The following PIAS4 variants were observed in gnomAD, a reference collection of about 807,000 sequenced individuals.
PIAS4 encodes the protein protein inhibitor of activated STAT 4.
Under a neutral mutation model 58.0 loss-of-function variants are expected in PIAS4, and 7 were observed. That is an observed-to-expected ratio of 0.12 (90% confidence interval 0.07 to 0.23). PIAS4 has a LOEUF of 0.23. PIAS4 is among the 10% of genes least tolerant of loss of function. The pLI is 1.00. For synonymous variants in PIAS4, 364 were observed against 312.4 expected (o/e 1.17, Z -1.74); for missense variants, 550 against 709.5 (o/e 0.78, Z 2.55).
rs141537427 is a variant in PIAS4 at position 4,029,109 on chromosome 19, C to T, written c.907+73C>T. The T allele has an allele frequency of 1.5e-3, 1,609 of 1,101,860 alleles. 10 individuals are homozygous for T. The highest frequency in any genetic ancestry group is 0.01 in the Middle Eastern group (42 of 4,070). 68.3% of individuals were successfully genotyped at this position (1,101,860 alleles called of 1,614,324 possible). A position where few individuals can be genotyped will look rare whatever the true frequency, so the allele number is the denominator to read the frequency against. On this transcript the variant is annotated intron_variant, in intron 7 of 10. Transcript: ENST00000262971. ...GAAACCCGCCCTGTGCTGGGTGAAGCGGGGGGCCCTGCACCCGGAGGAGAT... is the reference window on the plus strand; with the variant it reads ...GAAACCCGCCCTGTGCTGGGTGAAGTGGGGGGCCCTGCACCCGGAGGAGAT...
intron 3 of PIAS4, among the ~76,000 whole-genome samples, chr19:4,024,803 G>T (rs1446112727): frequency 2.6e-5 from 4 of 151,670 alleles, no homozygotes; most frequent in African/African-American, 9.7e-5. Context: ...TGTTATCCAG[G>T]CTTCCAGGCT....
intron 3 of PIAS4, among the ~76,000 whole-genome samples, chr19:4,024,405 C>T (rs1386674255): frequency 1.3e-5 from 2 of 152,248 alleles, no homozygotes; most frequent in Non-Finnish European, 2.9e-5. Flanking sequence ...CCATCCTGGG[C>T]ATTGCAGGGA....
chr19:4,022,607 C>G (rs953492922), intron 2 of PIAS4, among the ~76,000 whole-genome samples: 20 of 151,876 alleles, frequency 1.3e-4, no homozygotes, highest in Admixed American at 3.9e-4. Context: ...ACCTCGTGAT[C>G]CACCCCCCTC....
At chr19:4,014,939 AGGTGCTGTC>A (rs1335546014) in intron 2 of PIAS4, among the ~76,000 whole-genome samples, 4 of 152,168 alleles carry the variant, frequency 2.6e-5, no homozygotes, top group Admixed American at 6.5e-5. Context: ...GGAGGGAGGA[AGGTGCTGTC>A]GGTGGTTCCT....
intron 2 of PIAS4, chr19:4,018,587 C>T (rs2040075800): frequency 6.6e-6 from 1 of 152,246 alleles, no homozygotes; most frequent in Admixed American, 6.5e-5. Context: ...GCATCTGGTT[C>T]AGTGGTGCCC....
intron 2 of PIAS4, among the ~76,000 whole-genome samples, chr19:4,020,668 C>T (rs977651010): frequency 6.6e-6 from 1 of 152,240 alleles, no homozygotes; most frequent in Non-Finnish European, 1.5e-5. Context: ...CTATGTTGCC[C>T]AGGCTGGTCT....
At chr19:4,033,239 TGGGCCCG>T in intron 8 of PIAS4, 66 bp downstream of exon 8, 1 of 1,520,004 alleles carries the variant, frequency 6.6e-7, no homozygotes, top group Non-Finnish European at 9.0e-7. Context: ...CTGGCGGCCC[TGGGCCCG>T]GGGCGGCTTG....
At chr19:4,021,340 G>T (rs372565631) in intron 2 of PIAS4, among the ~76,000 whole-genome samples, 53 of 152,006 alleles carry the variant, frequency 3.5e-4, no homozygotes, top group African/African-American at 1.2e-3. Flanking sequence ...GTAGAGATGG[G>T]GTTACCATAT....
chr19:4,014,148 C>T (rs1035566677), intron 2 of PIAS4, among the ~76,000 whole-genome samples: 1 of 152,186 alleles, frequency 6.6e-6, no homozygotes, highest in African/African-American at 2.4e-5. Context: ...GTGCACCGGG[C>T]GTGCTGGGGG....
Position 4,013,349 on chromosome 19 carries a change from G to A in PIAS4, c.454G>A (p.Val152Ile). 6.2e-7 allele frequency: 1 copy of A among 1,610,864 alleles called. No homozygotes were observed. The highest frequency in any genetic ancestry group is 8.5e-7 in the Non-Finnish European group (1 of 1,178,450). ...TGAGCTGCTGAAGCCCACCGAATTAGGTGAGTGGTCACCCTGGGGAGGCTG... is the reference window on the plus strand; with the variant it reads ...TGAGCTGCTGAAGCCCACCGAATTAAGTGAGTGGTCACCCTGGGGAGGCTG... ...LDELLKPTEL[V>I]PQNNEKLQES... Residue 152 changes from valine to isoleucine, a missense_variant and splice_region_variant, in exon 2 of 11, where the codon GTC (valine) becomes ATC (isoleucine). By Grantham distance (29) the Val-to-Ile change is conservative. Transcript: ENST00000262971. The surrounding 1 kb of genome is among the most constrained non-coding windows in gnomAD (Gnocchi z 5.1).
At chr19:4,028,026 C>G (rs879181025) in intron 3 of PIAS4, 120 bp from the exon 4 acceptor site, 323 of 980,968 alleles carry the variant, frequency 3.3e-4, no homozygotes, top group South Asian at 1.8e-3. Flanking sequence ...GCCTCAGTTT[C>G]CCAGCTCTGG....
Position 4,037,915 on chromosome 19 carries a change from A to C in PIAS4, c.*40A>C, listed in dbSNP as rs1169012131. The C allele has an allele frequency of 1.3e-6, 2 of 1,555,410 alleles. No individual in the cohort carries two copies. The highest frequency in any genetic ancestry group is 1.4e-5 in the African/African-American group (1 of 73,704). On this transcript the variant is annotated 3_prime_UTR_variant, in exon 11 of 11. Transcript: ENST00000262971. This position sits in a 1 kb window ranked among gnomAD's most constrained non-coding sequence, Gnocchi z 5.8. ...TCGACTTTCCTGGTGCTCACCACGCAGAGGGGCACGGGCCAGCCTCGGGCG... is the reference window on the plus strand; with the variant it reads ...TCGACTTTCCTGGTGCTCACCACGCCGAGGGGCACGGGCCAGCCTCGGGCG...
chr19:4,014,586 A>G (rs1405463001), intron 2 of PIAS4, among the ~76,000 whole-genome samples: 1 of 152,078 alleles, frequency 6.6e-6, no homozygotes, highest in Non-Finnish European at 1.5e-5. Flanking sequence ...TTCGCACAGT[A>G]AACATCGGAG....
At chr19:4,029,431 C>T (rs991699152) in intron 7 of PIAS4, among the ~76,000 whole-genome samples, 10 of 152,196 alleles carry the variant, frequency 6.6e-5, no homozygotes, top group African/African-American at 2.2e-4. Context: ...GCCGAGGGTG[C>T]TGCGGGACCT....
intron 7 of PIAS4, among the ~76,000 whole-genome samples, chr19:4,030,562 T>C (rs925194283): frequency 2.7e-5 from 4 of 150,288 alleles, no homozygotes; most frequent in African/African-American, 9.9e-5. Context: ...GAGCTTGCAG[T>C]GAGCGGAGAT....
intron 7 of PIAS4, among the ~76,000 whole-genome samples, chr19:4,032,209 T>TG (rs1349067464): frequency 3.5e-5 from 5 of 141,234 alleles, no homozygotes; most frequent in East Asian, 2.1e-4. Flanking sequence ...CTGGGGGGAG[T>TG]GGGGGGGCAG....
chr19:4,013,583 G>A lies in PIAS4; in HGVS notation c.454+234G>A, dbSNP rs1047013123. On this transcript the variant is annotated intron_variant, in intron 2 of 10. Transcript: ENST00000262971. This position sits in a 1 kb window ranked among gnomAD's most constrained non-coding sequence, Gnocchi z 5.1. ...AATGGAGCCACTGGAAGCAGGGGGC[G>A]TCTGTTAGCTCTCAGGAACCTGTGA... Among the ~76,000 whole-genome samples, 9 of 152,210 alleles carry A rather than the reference G, an allele frequency of 5.9e-5. No homozygotes were observed. The highest frequency in any genetic ancestry group is 1.0e-4 in the Non-Finnish European group (7 of 68,036).
rs949257853 is a variant in PIAS4 at position 4,038,338 on chromosome 19, T to G, written c.*463T>G. 5.2e-5 allele frequency: 8 copies of G among 152,448 alleles called. No homozygotes were observed. The allele number at this position is 152,448 out of a possible 1,614,324, so 9.4% of individuals were successfully genotyped here. A position where few individuals can be genotyped will look rare whatever the true frequency, so the allele number is the denominator to read the frequency against. ...TCTGGCGACCACTTTGACGTTTGTCTCTTCCTTTGCTTTTTCTCTGCAAAT... is the reference window on the plus strand; with the variant it reads ...TCTGGCGACCACTTTGACGTTTGTCGCTTCCTTTGCTTTTTCTCTGCAAAT... On this transcript the variant is annotated 3_prime_UTR_variant, in exon 11 of 11. Transcript: ENST00000262971. The surrounding 1 kb of genome is among the most constrained non-coding windows in gnomAD (Gnocchi z 4.1).
In PIAS4 at chr19:4,028,918, C is replaced by T. The variant is rs757088300; in HGVS notation, c.802-13C>T. The T allele has an allele frequency of 1.9e-6, 3 of 1,612,234 alleles. No homozygotes were observed. Among genetic ancestry groups the T allele is most frequent in the Middle Eastern group, 1.7e-4 (1 of 6,058 alleles). On this transcript the variant is annotated splice_polypyrimidine_tract_variant and intron_variant, in intron 6 of 10. Coordinates refer to ENST00000262971, the MANE Select transcript of PIAS4 (RefSeq NM_015897.4). ...CCGTCCTGCCAGCCCTGACCCCTTC[C>T]TTCTGTCCCCAGAGCTACTCGGTGG... is the stretch of plus-strand genomic sequence containing the variant.
Sources: gnomAD v4.1 joint callset for allele counts (sites outside exome capture counted in the v4.1 genomes callset) on GRCh38, gnomAD v4.1.1 for gene constraint, Gnocchi (gnomAD v3.1) non-coding constraint, MANE v1.5 for transcripts, NCBI Gene and HGNC (gene_info 2026-07-23, HGNC 2026-07-21) for gene names.